DYNC2LI1: variants seen among roughly 807,000 people sequenced by gnomAD.
The protein encoded by DYNC2LI1 is cytoplasmic dynein 2 light intermediate chain 1.
In DYNC2LI1, 45 loss-of-function variants were observed where a neutral mutation model predicts 51.9. The ratio of observed to expected loss-of-function variants is 0.87; its 90% confidence interval spans 0.68 to 1.11. DYNC2LI1 has a LOEUF of 1.11. Among genes scored for constraint, DYNC2LI1 ranks in the 50% most tolerant of loss-of-function variants. DYNC2LI1 has a pLI of 0.00. For missense variants in DYNC2LI1, 490 were observed against 417.4 expected (o/e 1.17, Z -1.51); for synonymous variants, 130 against 137.8 (o/e 0.94, Z 0.40).
At chr2:43,774,274 G>C in intron 1 of DYNC2LI1, 128 bp downstream of exon 1, 1 of 1,259,216 alleles carries the variant, frequency 7.9e-7, no homozygotes, top group Non-Finnish European at 1.1e-6. Context: ...TGCAGGGTCG[G>C]GGACCTAGGA....
intron 10 of DYNC2LI1, among the ~76,000 whole-genome samples, chr2:43,802,788 A>C (rs1666117255): frequency 6.6e-6 from 1 of 152,196 alleles, no homozygotes; most frequent in African/African-American, 2.4e-5. Flanking sequence ...ATATATGACA[A>C]AGGACTAGTG....
chr2:43,813,226 C>T (rs1424655920), downstream of DYNC2LI1: 7 of 1,613,108 alleles, frequency 4.3e-6, 1 homozygote, highest in Admixed American at 1.2e-4. Context: ...CTAGATGTTG[C>T]ACCTGGGCAG....
chr2:43,785,163 G>C (rs1268226016), intron 3 of DYNC2LI1, among the ~76,000 whole-genome samples: 2 of 152,014 alleles, frequency 1.3e-5, no homozygotes, highest in African/African-American at 4.8e-5. Context: ...GCTGGGCATG[G>C]TGGTGCATAC....
At position 43,804,687 on chromosome 2, in the gene DYNC2LI1, A is replaced by T; in HGVS notation, c.848A>T (p.His283Leu). The T allele has an allele frequency of 1.9e-6, 3 of 1,608,976 alleles. No individual in the cohort carries two copies. Among genetic ancestry groups the T allele is most frequent in the Non-Finnish European group, 2.5e-6 (3 of 1,178,224 alleles). The change falls in exon 11 of 13, where the codon CAC becomes CTC. Residue 283 changes from histidine to leucine, a missense_variant. His to Leu is a moderately conservative substitution (Grantham distance 99). Transcript: ENST00000260605. ...PENDIGKLHA[H>L]SPMELWKKVY... ...AATGACATTGGAAAGCTTCATGCCC[A>T]CTCACCTATGGAGTTGTGGAAAAAA...
chr2:43,824,264 G>A, the DYNC2LI1 span: 5 of 1,614,054 alleles, frequency 3.1e-6, no homozygotes, highest in Non-Finnish European at 3.4e-6. Flanking sequence ...AGAATCTTTG[G>A]TTTTGAAAGG....
intron 3 of DYNC2LI1, among the ~76,000 whole-genome samples, chr2:43,786,387 G>T (rs1034875696): frequency 6.6e-5 from 10 of 151,822 alleles, no homozygotes; most frequent in Non-Finnish European, 1.2e-4. Context: ...TTGCCATGTT[G>T]CCCAGGCCAG....
At chr2:43,827,625 C>T in the DYNC2LI1 span, among the ~76,000 whole-genome samples, 1 of 152,106 alleles carries the variant, frequency 6.6e-6, no homozygotes, top group African/African-American at 2.4e-5. Flanking sequence ...TCATGAACAC[C>T]TGTGGTCATA....
chr2:43,811,466 A>C (rs1040210495), downstream of DYNC2LI1, among the ~76,000 whole-genome samples: 17 of 152,214 alleles, frequency 1.1e-4, no homozygotes, highest in African/African-American at 3.9e-4. Flanking sequence ...CAGTCAGTGA[A>C]CAAGTTCATG....
downstream of DYNC2LI1, among the ~76,000 whole-genome samples, chr2:43,813,841 C>T (rs1018475371): frequency 7.3e-5 from 11 of 150,834 alleles, no homozygotes; most frequent in African/African-American, 2.7e-4. Context: ...CTTCAGCCTC[C>T]TGTGTAGCTG....
chr2:43,808,980 C>T (rs1156893859), intron 12 of DYNC2LI1, among the ~76,000 whole-genome samples: 1 of 151,736 alleles, frequency 6.6e-6, no homozygotes, highest in African/African-American at 2.4e-5. Flanking sequence ...CACACACACA[C>T]ACACACACAC....
In DYNC2LI1 at chr2:43,786,646, A is replaced by G. The variant is rs140214988; in HGVS notation, c.162-535A>G. Among the ~76,000 whole-genome samples the G allele has an allele frequency of 8.3e-3, 1,259 of 152,170 alleles. 19 individuals carry two copies. The highest frequency in any genetic ancestry group is 0.029 in the African/African-American group (1,206 of 41,486). On this transcript the variant is annotated intron_variant, in intron 3 of 12. Transcript: ENST00000260605. The stretch of plus-strand genomic sequence containing the variant: ...TAGACCATCCTGGCTAACGTAGTGA[A>G]ACCCTGTCTTTACTAAAAATACAAA...
At chr2:43,801,091 A>G (rs1243713797) in intron 9 of DYNC2LI1, among the ~76,000 whole-genome samples, 174 bp downstream of exon 9, 2 of 148,122 alleles carry the variant, frequency 1.4e-5, no homozygotes, top group African/African-American at 4.9e-5. Context: ...TTATTTTATT[A>G]TTTATTTTAT....
At chr2:43,795,566 T>A (rs1025449) in intron 6 of DYNC2LI1, among the ~76,000 whole-genome samples, 2 of 151,836 alleles carry the variant, frequency 1.3e-5, no homozygotes, top group Admixed American at 6.6e-5. Context: ...AAATCTATGC[T>A]GGATAAATGC....
chr2:43,818,940 C>T, the DYNC2LI1 span, among the ~76,000 whole-genome samples: 2 of 152,166 alleles, frequency 1.3e-5, no homozygotes, highest in Non-Finnish European at 2.9e-5. Flanking sequence ...GAGGAAGTTT[C>T]TGACTCATAG....
chr2:43,806,246 G>GT (rs1306575210), intron 12 of DYNC2LI1, among the ~76,000 whole-genome samples: 1 of 152,156 alleles, frequency 6.6e-6, no homozygotes, highest in Non-Finnish European at 1.5e-5. Context: ...ATGAGACGTT[G>GT]TACAGAATCT....
downstream of DYNC2LI1, among the ~76,000 whole-genome samples, chr2:43,813,703 T>A (rs1666618062): frequency 7.1e-6 from 1 of 139,952 alleles, no homozygotes; most frequent in South Asian, 2.3e-4. Context: ...TGGGGTTTTT[T>A]TTTTCGTTTT....
the DYNC2LI1 span, chr2:43,828,251 G>C: frequency 5.4e-6 from 6 of 1,121,002 alleles, no homozygotes; most frequent in African/African-American, 9.3e-5. Context: ...CCACACCCTG[G>C]GGAAAGCATG....
At chr2:43,819,831 G>A in the DYNC2LI1 span, 1 of 1,432,028 alleles carries the variant, frequency 7.0e-7, no homozygotes, top group Non-Finnish European at 9.8e-7. Flanking sequence ...TCAGTTCTCT[G>A]GTATTCCTTT....
chr2:43,801,670 C>G lies in DYNC2LI1; in HGVS notation c.763C>G (p.Leu255Val). The change falls in exon 10 of 13, where the codon CTG (leucine) becomes GTG (valine). Residue 255 changes from leucine to valine, a missense_variant. Physicochemically the swap from Leu to Val is conservative, Grantham distance 32. Coordinates refer to ENST00000260605, the MANE Select transcript of DYNC2LI1 (RefSeq NM_016008.4). Reference protein sequence around the residue: ...KSICVDQNKPLFITAGLDSFG... With the variant: ...KSICVDQNKPVFITAGLDSFG... ...AATATGTGTGGATCAGAATAAACCG[C>G]TGTTTATCACAGCAGGATTGGATTC... 1.2e-6 allele frequency: 2 copies of G among 1,610,236 alleles called. No homozygotes were observed.
Sources: gnomAD v4.1 joint callset for allele counts (sites outside exome capture counted in the v4.1 genomes callset) on GRCh38, gnomAD v4.1.1 for gene constraint, MANE v1.5 for transcripts, NCBI Gene and HGNC (gene_info 2026-07-23, HGNC 2026-07-21) for gene names.